The following TRIO variants were observed in gnomAD, a reference collection of about 807,000 sequenced individuals.
TRIO encodes triple functional domain protein.
In TRIO, 58 loss-of-function variants were observed where a neutral mutation model predicts 351.9. The observed-to-expected ratio is 0.16, with a 90% CI of 0.13 to 0.21. The LOEUF (loss-of-function observed/expected upper bound fraction) is 0.21. Among genes scored for constraint, TRIO ranks in the 10% least tolerant of loss-of-function variants. TRIO has a pLI of 1.00. For missense variants in TRIO, 3,201 were observed against 4,027.8 expected, an observed-to-expected ratio of 0.79 and a Z score of 5.56; for synonymous variants, 1,758 against 1,595.7, an observed-to-expected ratio of 1.10 and a Z score of -2.42.
chr5:14,195,843 G>C (rs893950298), intron 1 of TRIO, among the ~76,000 whole-genome samples: 37 of 152,124 alleles, frequency 2.4e-4, no homozygotes, highest in African/African-American at 8.4e-4. Context: ...GCCTGGTCCT[G>C]TCTTTTTCCA....
chr5:14,359,532 G>A lies in TRIO; in HGVS notation c.2391+1G>A. 1 of 1,613,002 alleles carries A rather than the reference G, an allele frequency of 6.2e-7. No individual in the cohort carries two copies. The highest frequency in any genetic ancestry group is 8.5e-7 in the Non-Finnish European group (1 of 1,179,096). On this transcript the variant is annotated splice_donor_variant, in intron 13 of 56. Coordinates refer to ENST00000344204, the MANE Select transcript of TRIO (RefSeq NM_007118.4). LOFTEE classifies it high-confidence loss of function. ...CATCTTCGAGAGGGACGCCATCGAC[G>A]TGAGTGTCCCGCGGCTGGCGCCTGC...
intron 7 of TRIO, among the ~76,000 whole-genome samples, chr5:14,303,138 G>A (rs1465032073): frequency 6.7e-6 from 1 of 149,344 alleles, no homozygotes; most frequent in Non-Finnish European, 1.5e-5. Flanking sequence ...GGAGATGGGG[G>A]GTGTCAGTGG....
At chr5:14,489,529 A>G (rs26113) in intron 48 of TRIO, among the ~76,000 whole-genome samples, 19,526 of 152,178 alleles carry the variant, frequency 0.13, 1,306 homozygotes, top group Admixed American at 0.2. Context: ...ACTTAGTTGG[A>G]TACTCAGTAT....
At chr5:14,291,788 TAAAAAAA>T (rs57424190) in intron 5 of TRIO, among the ~76,000 whole-genome samples, 29 of 100,958 alleles carry the variant, frequency 2.9e-4, no homozygotes, top group African/African-American at 1.0e-3. Context: ...GACTCCGTCT[TAAAAAAA>T]AAAAAAAAAA....
At chr5:14,232,876 AC>A (rs1793534550) in intron 1 of TRIO, among the ~76,000 whole-genome samples, 1 of 152,216 alleles carries the variant, frequency 6.6e-6, no homozygotes, top group Admixed American at 6.5e-5. Context: ...ATGTTAGAGG[AC>A]CAGCTGGTAT....
At chr5:14,163,311 G>A (rs1335004775) in intron 1 of TRIO, among the ~76,000 whole-genome samples, 3 of 152,136 alleles carry the variant, frequency 2.0e-5, no homozygotes, top group Non-Finnish European at 2.9e-5. Context: ...AAGAATGATG[G>A]CTTCCCACTT....
chr5:14,391,724 G>A (rs188035877), intron 27 of TRIO, among the ~76,000 whole-genome samples: 63 of 152,382 alleles, frequency 4.1e-4, no homozygotes, highest in Non-Finnish European at 2.4e-4. Flanking sequence ...TTGTGAGGAT[G>A]TTGGACTTGT....
intron 8 of TRIO, among the ~76,000 whole-genome samples, chr5:14,310,894 C>G (rs749593185): frequency 1.3e-5 from 2 of 152,184 alleles, no homozygotes; most frequent in Non-Finnish European, 2.9e-5. Flanking sequence ...CCATGTTGGC[C>G]AGGCTGGTCT....
chr5:14,367,666 A>G (rs1441441481), intron 16 of TRIO, among the ~76,000 whole-genome samples: 1 of 152,136 alleles, frequency 6.6e-6, no homozygotes, highest in Non-Finnish European at 1.5e-5. Context: ...TGGTGAGGTA[A>G]TGTCAAAGGA....
intron 49 of TRIO, among the ~76,000 whole-genome samples, chr5:14,495,220 A>G (rs1055134492): frequency 6.6e-6 from 1 of 152,222 alleles, no homozygotes; most frequent in Non-Finnish European, 1.5e-5. Context: ...GTGGCTGAAG[A>G]GCTGCAATCT....
intron 15 of TRIO, among the ~76,000 whole-genome samples, chr5:14,366,039 T>G (rs1002095138): frequency 9.2e-5 from 14 of 152,310 alleles, no homozygotes; most frequent in African/African-American, 3.4e-4. Flanking sequence ...TTTTATTGTT[T>G]AAGCCCTCTT....
intron 1 of TRIO, among the ~76,000 whole-genome samples, chr5:14,160,487 C>T (rs1788383099): frequency 6.6e-6 from 1 of 152,224 alleles, no homozygotes; most frequent in Non-Finnish European, 1.5e-5. Flanking sequence ...AGGTGCCATA[C>T]AGCTGGAGAA....
intron 4 of TRIO, among the ~76,000 whole-genome samples, chr5:14,288,371 A>T (rs1268259420): frequency 6.6e-6 from 1 of 152,170 alleles, no homozygotes; most frequent in Non-Finnish European, 1.5e-5. Flanking sequence ...TGTGGAGATT[A>T]TTAAAAGTCC....
At chr5:14,469,528 C>T (rs546112979) in intron 37 of TRIO, among the ~76,000 whole-genome samples, 1 of 152,222 alleles carries the variant, frequency 6.6e-6, no homozygotes, top group East Asian at 1.9e-4. Flanking sequence ...AAAAAACAAC[C>T]AAACCCAGAG....
chr5:14,307,176 G>C (rs919706620), intron 8 of TRIO, among the ~76,000 whole-genome samples: 1 of 152,160 alleles, frequency 6.6e-6, no homozygotes, highest in Non-Finnish European at 1.5e-5. Context: ...GATTTTCCAA[G>C]TTGTAGAATT....
intron 9 of TRIO, among the ~76,000 whole-genome samples, chr5:14,319,053 A>G (rs1004111357): frequency 6.6e-6 from 1 of 152,222 alleles, no homozygotes; most frequent in African/African-American, 2.4e-5. Context: ...CAAATACTTA[A>G]TGTGCTTGAA....
At chr5:14,446,435 T>G (rs1030971463) in intron 34 of TRIO, among the ~76,000 whole-genome samples, 2 of 152,120 alleles carry the variant, frequency 1.3e-5, no homozygotes, top group Non-Finnish European at 1.5e-5. Context: ...CAGCTCTCAA[T>G]AAATGACAAA....
rs371334482 is a variant in TRIO, at chr5:14,488,161, G to A, written c.7533G>A (p.Arg2511=). 3.3e-5 allele frequency: 53 copies of A among 1,605,058 alleles called. No individual in the cohort carries two copies. The Admixed American group carries it at 3.8e-4, about 12-fold the overall frequency. ...TFPGDSDSLQ[R]QTPRHAAPGK... Reference sequence around the variant, plus strand: ...CGGGGGACAGCGACTCCCTCCAGCGGCAGACACCCCGCCACGCGGCCCCTG... The same window carrying A: ...CGGGGGACAGCGACTCCCTCCAGCGACAGACACCCCGCCACGCGGCCCCTG... The change falls in exon 48 of 57, where the codon CGG becomes CGA. Residue 2511 remains arginine, a synonymous_variant. Coordinates refer to ENST00000344204, the MANE Select transcript of TRIO (RefSeq NM_007118.4).
chr5:14,465,587 C>T lies in TRIO; in HGVS notation c.5710C>T (p.Pro1904Ser). ...AGTCCGCCCCACCAGCTCCGAAACA[C>T]CGAGTGCAGCCGAGCTCGTCAGTGC... ...LLVRPTSSET[P>S]SAAELVSAIE... Residue 1904 changes from proline to serine, a missense_variant, in exon 37 of 57, where the codon CCG (proline) becomes TCG (serine). Physicochemically the swap from Pro to Ser is moderately conservative, Grantham distance 74 (BLOSUM62 -1). Transcript: ENST00000344204. The T allele has an allele frequency of 6.2e-7, 1 of 1,614,078 alleles. No homozygotes were observed. The highest frequency in any genetic ancestry group is 8.5e-7 in the Non-Finnish European group (1 of 1,180,024).
Sources: gnomAD v4.1 joint callset for allele counts (sites outside exome capture counted in the v4.1 genomes callset) on GRCh38, gnomAD v4.1.1 for gene constraint, MANE v1.5 for transcripts, NCBI Gene and HGNC (gene_info 2026-07-23, HGNC 2026-07-21) for gene names.